SUSD6: variants seen among roughly 807,000 people sequenced by gnomAD.
The protein encoded by SUSD6 is sushi domain-containing protein 6.
A neutral mutation model predicts 28.4 loss-of-function variants in SUSD6; 16 were observed. The observed-to-expected ratio is 0.56, with a 90% confidence interval of 0.38 to 0.86. The LOEUF is 0.86. SUSD6 is among the 40% of genes least tolerant of loss of function. The probability of loss-of-function intolerance (pLI) is 0.00; values close to 1 mark genes in which losing one functional copy is unlikely to be tolerated. For missense variants in SUSD6, 341 were observed against 384.2 expected (o/e 0.89, Z 0.94); for synonymous variants, 147 against 159.6 (o/e 0.92, Z 0.59).
intron 1 of SUSD6, among the ~76,000 whole-genome samples, chr14:69,618,136 G>A (rs953485877): frequency 6.6e-6 from 1 of 152,178 alleles, no homozygotes; most frequent in African/African-American, 2.4e-5. Flanking sequence ...CACAGGTTGA[G>A]TTTCCCTAAC....
At chr14:69,613,927 G>A (rs1391660511) in intron 1 of SUSD6, among the ~76,000 whole-genome samples, 1 of 152,224 alleles carries the variant, frequency 6.6e-6, no homozygotes, top group Non-Finnish European at 1.5e-5. Flanking sequence ...CCTTCTGAAA[G>A]CCCAGAATTT....
At chr14:69,644,499 A>C (rs1223043623) in intron 1 of SUSD6, among the ~76,000 whole-genome samples, 1 of 152,090 alleles carries the variant, frequency 6.6e-6, no homozygotes, top group Non-Finnish European at 1.5e-5. Flanking sequence ...GAAATAGAAA[A>C]ATTAGCTGGG....
Position 69,690,959 on chromosome 14 carries a change from T to A in SUSD6, c.122-12436T>A, listed in dbSNP as rs78161487. 2.6e-5 allele frequency among the ~76,000 whole-genome samples: 4 copies of A among 152,304 alleles called. No individual in the cohort carries two copies. In the East Asian group the frequency reaches 5.8e-4, roughly 22 times the overall value. On this transcript the variant is annotated intron_variant, in intron 2 of 5. Coordinates refer to ENST00000342745, the MANE Select transcript of SUSD6 (RefSeq NM_014734.4). ...GTCTCTTTTGTATTTGTAGTCCCTG[T>A]CTCATGGTGGGACCCCACCCCCCAG... is the stretch of plus-strand genomic sequence containing the variant.
chr14:69,639,165 A>G (rs1382084858), intron 1 of SUSD6, among the ~76,000 whole-genome samples: 1 of 151,994 alleles, frequency 6.6e-6, no homozygotes, highest in East Asian at 1.9e-4. Flanking sequence ...CGTCTCTACT[A>G]AAAATACAAA....
intron 5 of SUSD6, among the ~76,000 whole-genome samples, chr14:69,710,262 A>G (rs1886444058): frequency 6.6e-6 from 1 of 152,154 alleles, no homozygotes; most frequent in Admixed American, 6.5e-5. Context: ...TTTTGTATTT[A>G]ACAAGCATTT....
chr14:69,656,395 G>A (rs1214858801), intron 1 of SUSD6, among the ~76,000 whole-genome samples: 1 of 152,160 alleles, frequency 6.6e-6, no homozygotes, highest in Non-Finnish European at 1.5e-5. Context: ...TTGCCTTGAG[G>A]GGATGACAAC....
chr14:69,616,597 T>C (rs1884962602), intron 1 of SUSD6, among the ~76,000 whole-genome samples: 1 of 152,210 alleles, frequency 6.6e-6, no homozygotes, highest in South Asian at 2.1e-4. Flanking sequence ...TTAATTTGCA[T>C]TTTAAATTAT....
chr14:69,694,597 A>G (rs1712075999), intron 2 of SUSD6, among the ~76,000 whole-genome samples: 1 of 152,194 alleles, frequency 6.6e-6, no homozygotes. Context: ...TGGGAGAGAA[A>G]CAGTACTTTT....
At position 69,704,690 on chromosome 14, in the gene SUSD6, G is replaced by T; in HGVS notation, c.406G>T (p.Val136Leu). The change falls in exon 4 of 6, where the codon GTG becomes TTG. Residue 136 changes from valine to leucine, a missense_variant. Transcript: ENST00000342745. ...CTCCGTGGCGCTCATTCTCCTCCTC[G>T]TGGTGCTGTTTGTGCTGCTGCAGCC... ...ASSVALILLL[V>L]VLFVLLQPKL... 4 of 1,614,146 alleles carry T rather than the reference G, an allele frequency of 2.5e-6. No homozygotes were observed. The highest frequency in any genetic ancestry group is 3.4e-6 in the Non-Finnish European group (4 of 1,180,022).
intron 2 of SUSD6, among the ~76,000 whole-genome samples, chr14:69,695,202 G>A (rs142363302): frequency 1.2e-4 from 19 of 152,156 alleles, no homozygotes; most frequent in African/African-American, 4.6e-4. Context: ...CTATTTGGCG[G>A]GATCGGGAAG....
chr14:69,648,323 C>G (rs1184363100), intron 1 of SUSD6, among the ~76,000 whole-genome samples: 11 of 152,240 alleles, frequency 7.2e-5, no homozygotes, highest in Non-Finnish European at 1.5e-5. Flanking sequence ...ATGAAGCAGC[C>G]TCCTTGTTCA....
At chr14:69,644,258 A>T (rs1885394256) in intron 1 of SUSD6, among the ~76,000 whole-genome samples, 1 of 152,200 alleles carries the variant, frequency 6.6e-6, no homozygotes, top group Admixed American at 6.5e-5. Context: ...GTCTGGAGGG[A>T]AATATCAAAT....
Position 69,702,123 on chromosome 14 carries a change from G to C in SUSD6, c.122-1272G>C, listed in dbSNP as rs11846535. ...ACTCTCAGTCACTCCAGGCCTGTCA[G>C]AGGAAATGAGAAAAAGAAAACGACC... is the stretch of plus-strand genomic sequence containing the variant. On this transcript the variant is annotated intron_variant, in intron 2 of 5. Transcript: ENST00000342745. Among the ~76,000 whole-genome samples the C allele has an allele frequency of 7.5e-3, 1,144 of 152,264 alleles. 15 individuals carry two copies. The highest frequency in any genetic ancestry group is 0.026 in the African/African-American group (1,074 of 41,560).
intron 2 of SUSD6, among the ~76,000 whole-genome samples, chr14:69,676,268 C>T (rs1885907309): frequency 6.6e-6 from 1 of 152,152 alleles, no homozygotes; most frequent in South Asian, 2.1e-4. Flanking sequence ...TCCTATATGA[C>T]TACCTCAGAC....
chr14:69,626,585 G>A (rs1595032045), intron 1 of SUSD6, among the ~76,000 whole-genome samples: 1 of 152,060 alleles, frequency 6.6e-6, no homozygotes, highest in Non-Finnish European at 1.5e-5. Flanking sequence ...TATGGGTATT[G>A]GGCTTACATT....
In SUSD6 at chr14:69,714,904, A is replaced by G. The variant is rs1340489374; in HGVS notation, c.*3925A>G. ...ATCGCACCACTATGGAATCCTTTGC[A>G]GAATGGTACTCATATAATGGTTTAA... On this transcript the variant is annotated 3_prime_UTR_variant, in exon 6 of 6. Transcript: ENST00000342745. 1 of 152,236 alleles carries G rather than the reference A, an allele frequency of 6.6e-6. No individual in the cohort carries two copies. The highest frequency in any genetic ancestry group is 2.4e-5 in the African/African-American group (1 of 41,464). The allele number at this position is 152,236 out of a possible 1,614,324, so 9.4% of individuals were successfully genotyped here. A position where few individuals can be genotyped will look rare whatever the true frequency, so the allele number is the denominator to read the frequency against.
At chr14:69,679,203 T>G (rs1349192118) in intron 2 of SUSD6, among the ~76,000 whole-genome samples, 1 of 152,186 alleles carries the variant, frequency 6.6e-6, no homozygotes, top group African/African-American at 2.4e-5. Flanking sequence ...TTGAGATCCT[T>G]TTAGGGGATT....
intron 1 of SUSD6, among the ~76,000 whole-genome samples, chr14:69,655,371 A>G (rs1885566547): frequency 6.6e-6 from 1 of 152,192 alleles, no homozygotes; most frequent in Admixed American, 6.5e-5. Flanking sequence ...CAAACAATAC[A>G]TGAATATCTT....
In SUSD6 at chr14:69,626,684, C is replaced by A. The variant is rs938681954; in HGVS notation, c.-81+14856C>A. Among the ~76,000 whole-genome samples the A allele has an allele frequency of 1.1e-4, 17 of 151,912 alleles. No homozygotes were observed. The East Asian group carries it at 1.4e-3, about 12-fold the overall frequency. The stretch of plus-strand genomic sequence containing the variant: ...TCATGCTTAATACCAACTAAGTCAC[C>A]AGACTTTTTTTTCGAGATAGGGTCT... On this transcript the variant is annotated intron_variant, in intron 1 of 5. Transcript: ENST00000342745.
Sources: gnomAD v4.1 joint callset for allele counts (sites outside exome capture counted in the v4.1 genomes callset) on GRCh38, gnomAD v4.1.1 for gene constraint, MANE v1.5 for transcripts, NCBI Gene and HGNC (gene_info 2026-07-23, HGNC 2026-07-21) for gene names.